The following MUC12 variants were observed in gnomAD, a reference collection of about 807,000 sequenced individuals.
MUC12 encodes mucin 12, cell surface associated, also known as mucin-12.
MUC12 carries 172 observed loss-of-function variants against 230.8 expected under a neutral mutation model. The ratio of observed to expected loss-of-function variants is 0.75; its 90% CI spans 0.66 to 0.85. MUC12 has a LOEUF of 0.85. Ranked by LOEUF, MUC12 falls within the 40% of genes least tolerant of loss-of-function variation. MUC12 has a pLI of 0.00. For missense variants in MUC12, 3,506 were observed against 5,920.6 expected (o/e 0.59, Z 13.38); for synonymous variants, 1,259 against 2,401.9 (o/e 0.52, Z 13.91).
chr7:100,978,204 G>T (rs956092916), intron 1 of MUC12, among the ~76,000 whole-genome samples: 5 of 152,218 alleles, frequency 3.3e-5, no homozygotes, highest in African/African-American at 1.2e-4. Context: ...GACAGTGCCT[G>T]CTGGCACTAG....
intron 1 of MUC12, chr7:100,973,083 A>G (rs1314431536): frequency 1.7e-6 from 1 of 582,682 alleles, no homozygotes; most frequent in East Asian, 3.0e-5. Context: ...GACCAAGCTA[A>G]GATATTTAGA....
At chr7:101,012,233 T>C in intron 5 of MUC12, 63 bp from the exon 6 acceptor site, 1 of 1,517,846 alleles carries the variant, frequency 6.6e-7, no homozygotes, top group Non-Finnish European at 8.8e-7. Context: ...CTCTGGGTGC[T>C]TGGGCTCCAC....
chr7:100,991,153 A>C lies in MUC12; in HGVS notation c.590A>C (p.His197Pro). 1 of 1,537,762 alleles carries C rather than the reference A, an allele frequency of 6.5e-7. No individual in the cohort carries two copies. The highest frequency in any genetic ancestry group is 1.2e-5 in the South Asian group (1 of 84,056). The change falls in exon 2 of 12, where the codon CAC becomes CCC. Residue 197 changes from histidine to proline, a missense_variant. By Grantham distance (77) the His-to-Pro change is moderately conservative. Transcript: ENST00000536621. ...GTCAGTCAGGAATCTACAGCTTCCC[A>C]CAGCATCCCCGGCTCCACAGACACA... ...PGVSQESTAS[H>P]SIPGSTDTTL...
At position 100,990,869 on chromosome 7, in the gene MUC12, C is replaced by A. The variant is rs954201490; in HGVS notation, c.306C>A (p.Thr102=). ...GTTLFPSHSA[T]SVFVGEPKTS... ...CACTCTTCCCTTCCCACTCTGCAAC[C>A]TCAGTTTTTGTTGGAGAACCTAAAA... The change falls in exon 2 of 12, where the codon ACC becomes ACA. Residue 102 remains threonine (T), a synonymous_variant. Coordinates refer to ENST00000536621, the MANE Select transcript of MUC12 (RefSeq NM_001164462.2). 1.3e-6 allele frequency: 2 copies of A among 1,537,854 alleles called. No individual in the cohort carries two copies. The highest frequency in any genetic ancestry group is 4.9e-5 in the East Asian group (2 of 40,912).
At chr7:101,009,840 G>T (rs899275018) in intron 5 of MUC12, among the ~76,000 whole-genome samples, 1 of 152,172 alleles carries the variant, frequency 6.6e-6, no homozygotes, top group African/African-American at 2.4e-5. Flanking sequence ...GCTCAGAACG[G>T]CTGGGTGCTT....
chr7:100,984,472 G>T (rs1793158549), intron 1 of MUC12, among the ~76,000 whole-genome samples: 1 of 152,076 alleles, frequency 6.6e-6, no homozygotes, highest in Admixed American at 6.5e-5. Flanking sequence ...GGCCAGGCTG[G>T]CCTCGAACTC....
chr7:100,995,516 C>A lies in MUC12; in HGVS notation c.4953C>A (p.Thr1651=). 1.3e-6 allele frequency: 2 copies of A among 1,536,004 alleles called. No individual in the cohort carries two copies. The highest frequency in any genetic ancestry group is 1.7e-6 in the Non-Finnish European group (2 of 1,146,864). ...AAACAACACTCTTACCTGACAACAC[C>A]ACAGCCTCAGGCCTCCTTGAAGCAT... ...STETTLLPDN[T]TASGLLEAST... The change falls in exon 2 of 12, where the codon ACC becomes ACA. Residue 1651 remains threonine (T), a synonymous_variant. Transcript: ENST00000536621.
chr7:100,988,926 G>GA (rs1407106123), intron 1 of MUC12, among the ~76,000 whole-genome samples: 2 of 151,972 alleles, frequency 1.3e-5, no homozygotes, highest in Non-Finnish European at 2.9e-5. Context: ...TTTATAAAGG[G>GA]AAACCCCTTT....
At position 100,992,092 on chromosome 7, in the gene MUC12, C is replaced by A. The variant is rs776409047; in HGVS notation, c.1529C>A (p.Ala510Asp). Residue 510 changes from alanine to aspartate, a missense_variant, in exon 2 of 12, where the codon GCC becomes GAC. Coordinates refer to ENST00000536621, the MANE Select transcript of MUC12 (RefSeq NM_001164462.2). ...PRSPDTTHLP[A>D]SMTSSGVSEE... is the part of the protein sequence containing the mutation. Reference sequence around the variant, plus strand: ...TCACCAGACACAACACACTTACCTGCCAGCATGACAAGCTCAGGCGTCAGT... The same window carrying A: ...TCACCAGACACAACACACTTACCTGACAGCATGACAAGCTCAGGCGTCAGT... The A allele has an allele frequency of 1.3e-6, 2 of 1,537,242 alleles. No individual in the cohort carries two copies. Among genetic ancestry groups the A allele is most frequent in the Non-Finnish European group, 1.7e-6 (2 of 1,146,644 alleles).
At position 101,018,576 on chromosome 7, in the gene MUC12, C is replaced by A. The variant is rs773975762; in HGVS notation, c.15967-19C>A. The A allele has an allele frequency of 1.3e-6, 2 of 1,536,062 alleles. No homozygotes were observed. Among genetic ancestry groups the A allele is most frequent in the Non-Finnish European group, 1.7e-6 (2 of 1,146,290 alleles). ...CCGGGTCTGCCCCTTGGCCTCACCT[C>A]TTCTCTCCCGTCCCCCAGCTCCACA... On this transcript the variant is annotated intron_variant, in intron 11 of 11. Coordinates refer to ENST00000536621, the MANE Select transcript of MUC12 (RefSeq NM_001164462.2).
chr7:101,018,573 CCTCTT>C lies in MUC12; in HGVS notation c.15967-17_15967-13del. 6.5e-7 allele frequency: 1 copy of C among 1,536,036 alleles called. No homozygotes were observed. The highest frequency in any genetic ancestry group is 2.0e-5 in the Admixed American group (1 of 50,926). On this transcript the variant is annotated splice_polypyrimidine_tract_variant and intron_variant, in intron 11 of 11. Coordinates refer to ENST00000536621, the MANE Select transcript of MUC12 (RefSeq NM_001164462.2). ...TTCCCGGGTCTGCCCCTTGGCCTCA[CCTCTT>C]CTCTCCCGTCCCCCAGCTCCACATC...
chr7:100,992,171 C>T lies in MUC12; in HGVS notation c.1608C>T (p.Phe536=), dbSNP rs1020328585. The change falls in exon 2 of 12, where the codon TTC becomes TTT. Residue 536 remains phenylalanine, a synonymous_variant. Transcript: ENST00000536621. ...SRPGSTHTTA[F]PGSTTMPGLS... ...CAGGCTCAACACACACAACAGCATT[C>T]CCTGGCAGTACCACCATGCCAGGCC... The T allele has an allele frequency of 6.5e-7, 1 of 1,537,764 alleles. No individual in the cohort carries two copies. The highest frequency in any genetic ancestry group is 1.4e-5 in the African/African-American group (1 of 73,014).
chr7:100,971,646 G>A (rs1310864143), intron 1 of MUC12, among the ~76,000 whole-genome samples: 6 of 152,312 alleles, frequency 3.9e-5, no homozygotes, highest in Non-Finnish European at 7.3e-5. Flanking sequence ...CGAACTCTGT[G>A]GATTTGGGGA....
In MUC12 at chr7:101,013,980, G is replaced by C; in HGVS notation, c.15706G>C (p.Val5236Leu). Residue 5236 changes from valine (V) to leucine (L), a missense_variant, in exon 9 of 12, where the codon GTG becomes CTG. By Grantham distance (32) the Val-to-Leu change is conservative. Coordinates refer to ENST00000536621, the MANE Select transcript of MUC12 (RefSeq NM_001164462.2). ...TGAATTCAACATCGCCAAGAGCCTC[G>C]TGTATGGGATCGTGGGGGCTGTGAT... ...TCEFNIAKSL[V>L]YGIVGAVMAV... 6.5e-7 allele frequency: 1 copy of C among 1,536,498 alleles called. No homozygotes were observed. The highest frequency in any genetic ancestry group is 8.7e-7 in the Non-Finnish European group (1 of 1,146,590).
rs1562785804 is a variant in MUC12, at chr7:100,995,477, C to G, written c.4914C>G (p.Ser1638Arg). 6.5e-7 allele frequency: 1 copy of G among 1,533,974 alleles called. No individual in the cohort carries two copies. The highest frequency in any genetic ancestry group is 2.0e-5 in the Admixed American group (1 of 50,820). The change falls in exon 2 of 12, where the codon AGC becomes AGG. Residue 1638 changes from serine to arginine, a missense_variant. By Grantham distance (110) the Ser-to-Arg change is moderately radical. Transcript: ENST00000536621. ...LGPESTTFHS[S>R]PGSTETTLLP... ...CAGAATCTACTACTTTCCACAGCAG[C>G]CCAGGCTCCACTGAAACAACACTCT...
At chr7:100,981,943 T>C (rs1366082099) in intron 1 of MUC12, among the ~76,000 whole-genome samples, 2 of 148,366 alleles carry the variant, frequency 1.3e-5, no homozygotes, top group East Asian at 2.1e-4. Flanking sequence ...CTCAGCTCAC[T>C]GCAACCTATG....
Position 100,990,878 on chromosome 7 carries a change from T to C in MUC12, c.315T>C (p.Phe105=). ...LFPSHSATSV[F]VGEPKTSPIT... is the part of the protein sequence containing the mutation. ...CTTCCCACTCTGCAACCTCAGTTTT[T>C]GTTGGAGAACCTAAAACCTCACCCA... The change falls in exon 2 of 12, where the codon TTT becomes TTC. Residue 105 remains phenylalanine, a synonymous_variant. Transcript: ENST00000536621. 6.5e-7 allele frequency: 1 copy of C among 1,537,852 alleles called. No homozygotes were observed. Among genetic ancestry groups the C allele is most frequent in the East Asian group, 2.4e-5 (1 of 40,910 alleles).
At position 101,004,895 on chromosome 7, in the gene MUC12, A is replaced by C. The variant is rs939363457; in HGVS notation, c.14332A>C (p.Thr4778Pro). The change falls in exon 2 of 12, where the codon ACA (threonine) becomes CCA (proline). Residue 4778 changes from threonine to proline, a missense_variant. Transcript: ENST00000536621. ...GTATAGCCAAGCAGAGTCAACACAC[A>C]CAACAGCGTTCCCTGCCAGCACCAC... ...SLYSQAESTH[T>P]TAFPASTTTS... is the part of the protein sequence containing the mutation. 6.5e-6 allele frequency: 10 copies of C among 1,537,816 alleles called. No individual in the cohort carries two copies. Among genetic ancestry groups the C allele is most frequent in the Middle Eastern group, 3.3e-4 (2 of 5,992 alleles).
At chr7:100,969,933 G>T (rs1172522116) in intron 1 of MUC12, among the ~76,000 whole-genome samples, 1 of 152,306 alleles carries the variant, frequency 6.6e-6, no homozygotes, top group Non-Finnish European at 1.5e-5. Context: ...CTGGCTGAGG[G>T]GCGGCTGAAA....
Sources: allele counts gnomAD v4.1 joint callset (sites outside exome capture counted in the v4.1 genomes callset), GRCh38; gene constraint gnomAD v4.1.1; transcripts MANE v1.5; gene names NCBI Gene and HGNC (gene_info 2026-07-23, HGNC 2026-07-21).